Variants in CNOT8 observed in about 807,000 individuals in gnomAD.
CNOT8 encodes CAF1-like protein.
In CNOT8, 18 loss-of-function variants were observed where a neutral mutation model predicts 34.6. That is an observed-to-expected ratio of 0.52 (90% CI 0.36 to 0.77). The LOEUF (loss-of-function observed/expected upper bound fraction) is 0.77. Among genes scored for constraint, CNOT8 ranks in the 30% least tolerant of loss-of-function variants. The probability of loss-of-function intolerance (pLI) is 0.00; values close to 1 mark genes in which losing one functional copy is unlikely to be tolerated. For missense variants in CNOT8, 189 were observed against 347.9 expected (o/e 0.54, Z 3.63); for synonymous variants, 101 against 118.8 (o/e 0.85, Z 0.98).
Position 154,871,736 on chromosome 5 carries a change from T to C in CNOT8, c.480T>C (p.Tyr160=), listed in dbSNP as rs894706308. The C allele has an allele frequency of 2.5e-6, 4 of 1,613,918 alleles. No homozygotes were observed. In the African/African-American group the frequency reaches 5.3e-5, roughly 22 times the overall value. The part of the protein sequence containing the change: ...NVKWLSFHSG[Y]DFGYMVKLLT... ...GTGGTTTATTCTCTTGTAGTGGCTA[T>C]GATTTTGGCTATATGGTAAAGTTGC... The change falls in exon 5 of 7, where the codon TAT becomes TAC. Residue 160 remains tyrosine (Y), a synonymous_variant. Coordinates refer to ENST00000285896, the MANE Select transcript of CNOT8 (RefSeq NM_001301073.2).
chr5:154,865,526 C>G (rs1761783881), intron 3 of CNOT8, 141 bp downstream of exon 3: 6 of 535,288 alleles, frequency 1.1e-5, no homozygotes, highest in Admixed American at 3.8e-5. Context: ...TGCAGCAGCT[C>G]AACAATGAAA....
chr5:154,875,529 T>C lies in CNOT8; in HGVS notation c.*90T>C. 1 of 1,416,118 alleles carries C rather than the reference T, an allele frequency of 7.1e-7. No individual in the cohort carries two copies. The highest frequency in any genetic ancestry group is 9.6e-7 in the Non-Finnish European group (1 of 1,041,328). 87.7% of individuals were successfully genotyped at this position (1,416,118 alleles called of 1,614,324 possible). Reference sequence around the variant, plus strand: ...TATCTTCCCCAAGAGAAAATGCTTCTTTTGAGCACACTGTACCTACCATCT... The same window carrying C: ...TATCTTCCCCAAGAGAAAATGCTTCCTTTGAGCACACTGTACCTACCATCT... On this transcript the variant is annotated 3_prime_UTR_variant, in exon 7 of 7. Transcript: ENST00000285896.
chr5:154,871,923 A>G, intron 5 of CNOT8, 49 bp downstream of exon 5: 1 of 1,548,990 alleles, frequency 6.5e-7, no homozygotes, highest in South Asian at 1.2e-5. Context: ...GGACAGAAAA[A>G]AAGCTGACTT....
At chr5:154,868,487 A>G (rs946547219) in intron 3 of CNOT8, among the ~76,000 whole-genome samples, 2 of 150,488 alleles carry the variant, frequency 1.3e-5, no homozygotes, top group African/African-American at 4.9e-5. Context: ...CTTGTCTTTA[A>G]CTCCTGACCC....
intron 1 of CNOT8, among the ~76,000 whole-genome samples, chr5:154,860,652 T>TA (rs1761246599): frequency 2.0e-5 from 3 of 152,214 alleles, no homozygotes; most frequent in Admixed American, 2.0e-4. Flanking sequence ...TTGGCCAGCA[T>TA]ATGCAGTAAT....
At chr5:154,864,566 C>A (rs1761682959) in intron 2 of CNOT8, among the ~76,000 whole-genome samples, 1 of 151,914 alleles carries the variant, frequency 6.6e-6, no homozygotes, top group South Asian at 2.1e-4. Flanking sequence ...TTCTGAATGG[C>A]TGTTTCACTT....
intron 6 of CNOT8, 59 bp from the exon 7 acceptor site, chr5:154,875,231 T>G (rs1196679111): frequency 1.3e-6 from 2 of 1,582,008 alleles, no homozygotes; most frequent in Non-Finnish European, 1.7e-6. Context: ...GTGATAATAT[T>G]TATACTTGTC....
chr5:154,868,795 C>T (rs546441235), intron 3 of CNOT8, among the ~76,000 whole-genome samples: 6 of 152,328 alleles, frequency 3.9e-5, no homozygotes, highest in South Asian at 2.1e-4. Context: ...GGGCTTCCTA[C>T]GCCACTTGAG....
At chr5:154,859,208 AAGG>A (rs1224099950) in intron 1 of CNOT8, 1 of 152,250 alleles carries the variant, frequency 6.6e-6, no homozygotes, top group Non-Finnish European at 1.5e-5. Flanking sequence ...GGCGTGTCAG[AAGG>A]AGGAGGACTG....
At position 154,875,865 on chromosome 5, in the gene CNOT8, G is replaced by A. The variant is rs1384953746; in HGVS notation, c.*426G>A. ...CTCTGATTCTCAGCTGAGCTGTGAG[G>A]GCTTCCAGGGAAAATGGAACAAAAT... On this transcript the variant is annotated 3_prime_UTR_variant, in exon 7 of 7. Transcript: ENST00000285896. 6.3e-6 allele frequency: 1 copy of A among 158,892 alleles called. No homozygotes were observed. Among genetic ancestry groups the A allele is most frequent in the African/African-American group, 2.4e-5 (1 of 41,468 alleles). The allele number at this position is 158,892 out of a possible 1,614,324, so 9.8% of individuals were successfully genotyped here.
intron 3 of CNOT8, among the ~76,000 whole-genome samples, chr5:154,865,670 G>T (rs1447095220): frequency 6.6e-6 from 1 of 152,090 alleles, no homozygotes; most frequent in Non-Finnish European, 1.5e-5. Context: ...ACCCACATTG[G>T]GATACCACTT....
chr5:154,867,735 G>A, intron 3 of CNOT8: 1 of 254,400 alleles, frequency 3.9e-6, no homozygotes, highest in Non-Finnish European at 8.0e-6. Flanking sequence ...TGTTGCTTGA[G>A]CTAAAAGACA....
chr5:154,875,321 A>G lies in CNOT8; in HGVS notation c.761A>G (p.Lys254Arg), dbSNP rs770097487. ...TTTGAGGACAGCATTGATGATGCCAAGTACTGTGGGCGGCTCTATGGCTTA... is the reference window on the plus strand; with the variant it reads ...TTTGAGGACAGCATTGATGATGCCAGGTACTGTGGGCGGCTCTATGGCTTA... ...LFFEDSIDDA[K>R]YCGRLYGLGT... The change falls in exon 7 of 7, where the codon AAG becomes AGG. Residue 254 changes from lysine to arginine, a missense_variant. Coordinates refer to ENST00000285896, the MANE Select transcript of CNOT8 (RefSeq NM_001301073.2). 1.2e-6 allele frequency: 2 copies of G among 1,614,002 alleles called. No homozygotes were observed. Among genetic ancestry groups the G allele is most frequent in the African/African-American group, 1.3e-5 (1 of 74,910 alleles).
intron 1 of CNOT8, among the ~76,000 whole-genome samples, chr5:154,862,399 G>A (rs1353588523): frequency 6.6e-6 from 1 of 151,950 alleles, no homozygotes; most frequent in Non-Finnish European, 1.5e-5. Context: ...GCACCCAGGA[G>A]GCAAAGGTTG....
chr5:154,871,234 C>G (rs936681201), intron 4 of CNOT8, among the ~76,000 whole-genome samples: 2 of 151,874 alleles, frequency 1.3e-5, no homozygotes, highest in African/African-American at 4.8e-5. Flanking sequence ...TTTATATCTC[C>G]CATATTAGTC....
intron 5 of CNOT8, among the ~76,000 whole-genome samples, 167 bp downstream of exon 5, chr5:154,872,041 G>A (rs1392028603): frequency 6.6e-6 from 1 of 152,146 alleles, no homozygotes. Flanking sequence ...GTGTGGTAAC[G>A]ATCTTTAACC....
At chr5:154,865,842 CA>C (rs1163585241) in intron 3 of CNOT8, among the ~76,000 whole-genome samples, 1 of 152,166 alleles carries the variant, frequency 6.6e-6, no homozygotes, top group Non-Finnish European at 1.5e-5. Flanking sequence ...ATAGAGTTGC[CA>C]TATGACCTAG....
chr5:154,873,847 G>A lies in CNOT8; in HGVS notation c.729+1196G>A, dbSNP rs144291267. Reference sequence around the variant, plus strand: ...CTGGAGGGTACATTTGTTAATATCTGTAGATGATTTTGGTTGTCACAATCT... The same window carrying A: ...CTGGAGGGTACATTTGTTAATATCTATAGATGATTTTGGTTGTCACAATCT... On this transcript the variant is annotated intron_variant, in intron 6 of 6. Coordinates refer to ENST00000285896, the MANE Select transcript of CNOT8 (RefSeq NM_001301073.2). 8.8e-4 allele frequency among the ~76,000 whole-genome samples: 134 copies of A among 152,304 alleles called. No homozygotes were observed. The Middle Eastern group carries it at 0.02, about 23-fold the overall frequency.
At chr5:154,869,628 T>TTG (rs1762272444) in intron 3 of CNOT8, among the ~76,000 whole-genome samples, 1 of 25,868 alleles carries the variant, frequency 3.9e-5, no homozygotes, top group African/African-American at 1.9e-4. Flanking sequence ...TTTTTTGTGT[T>TTG]TTTTTTTTTT....
Sources: gnomAD v4.1 joint callset for allele counts (sites outside exome capture counted in the v4.1 genomes callset) on GRCh38, gnomAD v4.1.1 for gene constraint, MANE v1.5 for transcripts, NCBI Gene and HGNC (gene_info 2026-07-23, HGNC 2026-07-21) for gene names.